The following ANO2 variants were observed in gnomAD, a reference collection of about 807,000 sequenced individuals.
The protein encoded by ANO2 is anoctamin 2, also known as anoctamin-2.
In ANO2, 101 loss-of-function variants were observed where a neutral mutation model predicts 124.2. The observed-to-expected ratio is 0.81, with a 90% confidence interval of 0.69 to 0.96. The LOEUF (loss-of-function observed/expected upper bound fraction) is 0.96, where lower values mean the gene tolerates loss of function less well. ANO2 is among the 40% of genes least tolerant of loss of function. ANO2 has a pLI of 0.00. For synonymous variants in ANO2, 486 were observed against 482.5 expected (o/e 1.01, Z -0.09); for missense variants, 1,293 against 1,274.5 (o/e 1.01, Z -0.22).
chr12:5,713,240 G>A (rs1295194329), intron 14 of ANO2, among the ~76,000 whole-genome samples: 1 of 152,218 alleles, frequency 6.6e-6, no homozygotes, highest in Non-Finnish European at 1.5e-5. Flanking sequence ...TGGCAAGTAA[G>A]AGGAAAGGAG....
chr12:5,753,565 T>G (rs1003883509), intron 10 of ANO2, among the ~76,000 whole-genome samples: 1 of 152,192 alleles, frequency 6.6e-6, no homozygotes, highest in African/African-American at 2.4e-5. Context: ...CTCTTTAATT[T>G]CTTTTATCAA....
chr12:5,564,670 T>C (rs1941639653), intron 24 of ANO2: 1 of 152,154 alleles, frequency 6.6e-6, no homozygotes. Context: ...GTGAGTGAAA[T>C]GTGACATGTG....
rs145601976 is a variant in ANO2, at chr12:5,772,024, G to C, written c.1056-21054C>G. Reference sequence around the variant, plus strand: ...CTAGCCCTGCAATCATCTGTAGCCTGGTGGTTTGGGTTTCATTGTTTTTAT... The same window carrying C: ...CTAGCCCTGCAATCATCTGTAGCCTCGTGGTTTGGGTTTCATTGTTTTTAT... On this transcript the variant is annotated intron_variant, in intron 10 of 24. Transcript: ENST00000682330. Among the ~76,000 whole-genome samples, 470 of 152,226 alleles carry C rather than the reference G, an allele frequency of 3.1e-3. 4 individuals carry two copies. The highest frequency in any genetic ancestry group is 0.011 in the African/African-American group (464 of 41,554).
At chr12:5,751,113 G>A in intron 10 of ANO2, 143 bp from the exon 11 acceptor site, 2 of 741,588 alleles carry the variant, frequency 2.7e-6, no homozygotes, top group Non-Finnish European at 4.2e-6. Flanking sequence ...AGGTTGCACG[G>A]GGAAGGGGAG....
intron 14 of ANO2, among the ~76,000 whole-genome samples, chr12:5,710,338 G>A (rs895654149): frequency 2.0e-5 from 3 of 152,242 alleles, no homozygotes; most frequent in African/African-American, 7.2e-5. Context: ...GCAGGGCAGA[G>A]ATGACCAAGA....
intron 22 of ANO2, among the ~76,000 whole-genome samples, chr12:5,576,323 T>G (rs540703524): frequency 6.6e-6 from 1 of 152,328 alleles, no homozygotes; most frequent in African/African-American, 2.4e-5. Flanking sequence ...CTAACATTGC[T>G]GTTGAGCAAG....
intron 2 of ANO2, among the ~76,000 whole-genome samples, chr12:5,922,318 T>C (rs562554783): frequency 3.3e-5 from 5 of 152,302 alleles, no homozygotes; most frequent in East Asian, 1.9e-4. Context: ...AGAGCCACCA[T>C]AGCAGAGAAG....
At chr12:5,613,856 T>G (rs995713364) in intron 17 of ANO2, among the ~76,000 whole-genome samples, 2 of 152,226 alleles carry the variant, frequency 1.3e-5, no homozygotes, top group Non-Finnish European at 2.9e-5. Flanking sequence ...AAACGTCATA[T>G]GCATGTAATT....
intron 14 of ANO2, among the ~76,000 whole-genome samples, chr12:5,680,285 G>A (rs1281669456): frequency 1.3e-5 from 2 of 152,070 alleles, no homozygotes; most frequent in African/African-American, 4.8e-5. Flanking sequence ...ATGTGCCCCA[G>A]AACTTAAAAT....
intron 3 of ANO2, among the ~76,000 whole-genome samples, chr12:5,865,893 C>A (rs938016645): frequency 2.6e-5 from 4 of 152,212 alleles, no homozygotes; most frequent in African/African-American, 9.7e-5. Flanking sequence ...TGGGACAGAT[C>A]ACGACCAGGG....
rs1455303729 is a variant in ANO2, at chr12:5,937,638, G to T, written c.22+7558C>A. 7.9e-5 allele frequency among the ~76,000 whole-genome samples: 12 copies of T among 152,082 alleles called. No individual in the cohort carries two copies. The East Asian group carries it at 1.3e-3, about 17-fold the overall frequency. On this transcript the variant is annotated intron_variant, in intron 1 of 24. Coordinates refer to ENST00000682330, the MANE Select transcript of ANO2 (RefSeq NM_001364791.2). ...AAAACATTATCTTCCTATCGAGGGG[G>T]TTGGAATTTTTTTTTTTAACTTTCT...
chr12:5,889,951 C>T (rs761138343), intron 3 of ANO2, among the ~76,000 whole-genome samples: 5 of 152,156 alleles, frequency 3.3e-5, no homozygotes, highest in Non-Finnish European at 5.9e-5. Context: ...CAATCAGAGG[C>T]AATGTGTCTG....
intron 20 of ANO2, among the ~76,000 whole-genome samples, chr12:5,586,284 G>A (rs938934421): frequency 6.6e-6 from 1 of 152,190 alleles, no homozygotes; most frequent in Admixed American, 6.5e-5. Flanking sequence ...AATGACCTGG[G>A]ACTCAACCTA....
In ANO2 at chr12:5,921,307, G is replaced by T. The variant is rs1467304024; in HGVS notation, c.267C>A (p.Arg89=). ...EPVSLEARLS[R]MHFHDSQRKV... Reference sequence around the variant, plus strand: ...TCCTCTGACTGTCATGGAAGTGCATGCGGCTAAGACGGGCCTCCAAGGACA... The same window carrying T: ...TCCTCTGACTGTCATGGAAGTGCATTCGGCTAAGACGGGCCTCCAAGGACA... The change falls in exon 3 of 25, where the codon CGC becomes CGA. Residue 89 remains arginine (R), a synonymous_variant. Coordinates refer to ENST00000682330, the MANE Select transcript of ANO2 (RefSeq NM_001364791.2). The T allele has an allele frequency of 6.2e-7, 1 of 1,613,882 alleles. No individual in the cohort carries two copies. Among genetic ancestry groups the T allele is most frequent in the African/African-American group, 1.3e-5 (1 of 74,918 alleles).
chr12:5,716,152 T>C (rs1950015219), intron 14 of ANO2, among the ~76,000 whole-genome samples: 1 of 152,220 alleles, frequency 6.6e-6, no homozygotes, highest in African/African-American at 2.4e-5. Context: ...TCTTAGGTTT[T>C]CCACACTTAG....
At chr12:5,655,479 G>A (rs1350614884) in intron 14 of ANO2, among the ~76,000 whole-genome samples, 2 of 152,174 alleles carry the variant, frequency 1.3e-5, no homozygotes, top group Non-Finnish European at 2.9e-5. Flanking sequence ...AAGTTTTCAG[G>A]TACAGTGAGT....
At chr12:5,804,737 C>T (rs936531030) in intron 9 of ANO2, among the ~76,000 whole-genome samples, 1 of 152,168 alleles carries the variant, frequency 6.6e-6, no homozygotes. Flanking sequence ...TTTATATCTA[C>T]AACATATATA....
intron 3 of ANO2, among the ~76,000 whole-genome samples, chr12:5,914,065 T>A (rs1374380549): frequency 2.0e-5 from 3 of 151,962 alleles, no homozygotes; most frequent in South Asian, 2.1e-4. Flanking sequence ...CTGGGCATGG[T>A]GTTGTGCACC....
At chr12:5,746,573 A>G (rs1327881239) in intron 11 of ANO2, among the ~76,000 whole-genome samples, 1 of 152,228 alleles carries the variant, frequency 6.6e-6, no homozygotes, top group Non-Finnish European at 1.5e-5. Context: ...GTGAGAAGTA[A>G]CTGTGGCTAT....
Sources: gnomAD v4.1 joint callset for allele counts (sites outside exome capture counted in the v4.1 genomes callset) on GRCh38, gnomAD v4.1.1 for gene constraint, MANE v1.5 for transcripts, NCBI Gene and HGNC (gene_info 2026-07-23, HGNC 2026-07-21) for gene names.